Variants in VWA3B observed in about 807,000 individuals in gnomAD.
VWA3B encodes the protein von Willebrand factor A domain containing 3B.
Under a neutral mutation model 158.3 loss-of-function variants are expected in VWA3B, and 138 were observed. That is an observed-to-expected ratio of 0.87 (90% confidence interval 0.76 to 1.00). The LOEUF is 1.00. Ranked by LOEUF, VWA3B falls within the 50% of genes least tolerant of loss-of-function variation. The pLI is 0.00. For synonymous variants in VWA3B, 596 were observed against 587.3 expected, an observed-to-expected ratio of 1.01 and a Z score of -0.21; for missense variants, 1,555 against 1,565.1, an observed-to-expected ratio of 0.99 and a Z score of 0.11.
At chr2:98,278,586 C>G (rs1233279811) in intron 22 of VWA3B, among the ~76,000 whole-genome samples, 1 of 151,128 alleles carries the variant, frequency 6.6e-6, no homozygotes, top group African/African-American at 2.5e-5. Flanking sequence ...GTGGTCTTCC[C>G]CTGGGGTTCA....
At chr2:98,292,031 G>A (rs1326531614) in intron 23 of VWA3B, 1 of 150,186 alleles carries the variant, frequency 6.7e-6, no homozygotes, top group East Asian at 2.0e-4. Context: ...ATCACTTAAG[G>A]TCAGGAGTTC....
intron 8 of VWA3B, among the ~76,000 whole-genome samples, chr2:98,174,925 T>C (rs1679879991): frequency 6.6e-6 from 1 of 152,228 alleles, no homozygotes; most frequent in Non-Finnish European, 1.5e-5. Context: ...AATTATTAGC[T>C]GACCACTGAG....
At chr2:98,121,539 C>A in intron 5 of VWA3B, 81 bp downstream of exon 5, 1 of 1,533,334 alleles carries the variant, frequency 6.5e-7, no homozygotes, top group Non-Finnish European at 8.9e-7. Context: ...CTTTACACGG[C>A]CCTTCAACTG....
At chr2:98,210,297 C>G (rs1325026445) in intron 12 of VWA3B, among the ~76,000 whole-genome samples, 1 of 152,110 alleles carries the variant, frequency 6.6e-6, no homozygotes, top group Non-Finnish European at 1.5e-5. Flanking sequence ...GCTGTCTCCC[C>G]TAGAAGATGT....
At chr2:98,134,008 G>T in intron 7 of VWA3B, 69 bp downstream of exon 7, 1 of 1,324,262 alleles carries the variant, frequency 7.6e-7, no homozygotes, top group Non-Finnish European at 1.1e-6. Context: ...GGATCATTAG[G>T]AAGTAAAGTA....
intron 23 of VWA3B, among the ~76,000 whole-genome samples, chr2:98,296,099 C>T (rs866056436): frequency 2.0e-5 from 3 of 152,166 alleles, no homozygotes; most frequent in Non-Finnish European, 4.4e-5. Flanking sequence ...TAGGCTTCGT[C>T]GGCTACACAG....
At chr2:98,096,625 G>C (rs1385085269) in intron 2 of VWA3B, among the ~76,000 whole-genome samples, 1 of 152,092 alleles carries the variant, frequency 6.6e-6, no homozygotes, top group Non-Finnish European at 1.5e-5. Context: ...TCAGATTTTA[G>C]ATTTCTTCAT....
At chr2:98,314,209 G>A (rs1691037621), downstream of VWA3B, among the ~76,000 whole-genome samples, 1 of 152,218 alleles carries the variant, frequency 6.6e-6, no homozygotes, top group Non-Finnish European at 1.5e-5. Flanking sequence ...AGGACACCAA[G>A]GTAGCTGGAG....
chr2:98,135,492 C>G (rs6725592), intron 7 of VWA3B, among the ~76,000 whole-genome samples: 2 of 150,096 alleles, frequency 1.3e-5, no homozygotes, highest in Admixed American at 1.3e-4. Context: ...CCCGCCACTA[C>G]GCCCGGCTAA....
downstream of VWA3B, among the ~76,000 whole-genome samples, chr2:98,316,320 A>G (rs1691084671): frequency 6.6e-6 from 1 of 152,196 alleles, no homozygotes; most frequent in African/African-American, 2.4e-5. Context: ...TAGCAGTGAT[A>G]TGGTTTCCAC....
chr2:98,303,916 C>T (rs376300077), intron 26 of VWA3B, 114 bp downstream of exon 26: 20 of 953,204 alleles, frequency 2.1e-5, no homozygotes, highest in Middle Eastern at 2.6e-4. Flanking sequence ...AGTAGAGATG[C>T]AGAATGTCCT....
At chr2:98,302,516 G>A (rs1427895955) in intron 25 of VWA3B, among the ~76,000 whole-genome samples, 2 of 152,210 alleles carry the variant, frequency 1.3e-5, no homozygotes, top group Admixed American at 6.5e-5. Context: ...CTAGATTGGT[G>A]AGCAAAAAGC....
At chr2:98,140,474 A>G (rs1433577244) in intron 7 of VWA3B, among the ~76,000 whole-genome samples, 1 of 152,172 alleles carries the variant, frequency 6.6e-6, no homozygotes, top group African/African-American at 2.4e-5. Flanking sequence ...TCAGCCCAGC[A>G]TTGGCTGGAT....
chr2:98,126,145 A>G (rs1675333976), intron 5 of VWA3B, among the ~76,000 whole-genome samples: 1 of 152,226 alleles, frequency 6.6e-6, no homozygotes, highest in Non-Finnish European at 1.5e-5. Context: ...AACTTAATGA[A>G]TAGTGAATAA....
At chr2:98,267,922 A>T (rs1314673888) in intron 21 of VWA3B, among the ~76,000 whole-genome samples, 1 of 152,150 alleles carries the variant, frequency 6.6e-6, no homozygotes, top group Non-Finnish European at 1.5e-5. Flanking sequence ...CTCTACGCAA[A>T]TAAACTAGAA....
At chr2:98,147,170 A>C (rs1191614315) in intron 7 of VWA3B, among the ~76,000 whole-genome samples, 3 of 152,228 alleles carry the variant, frequency 2.0e-5, no homozygotes, top group Admixed American at 2.0e-4. Context: ...TTACTACTAC[A>C]TCAGATATCT....
intron 2 of VWA3B, among the ~76,000 whole-genome samples, chr2:98,108,541 A>C (rs1460895978): frequency 6.6e-6 from 1 of 152,198 alleles, no homozygotes; most frequent in Non-Finnish European, 1.5e-5. Flanking sequence ...TGGGTGATAC[A>C]TACACATTTA....
chr2:98,280,421 T>C (rs1304984606), intron 22 of VWA3B, among the ~76,000 whole-genome samples: 1 of 152,248 alleles, frequency 6.6e-6, no homozygotes, highest in Non-Finnish European at 1.5e-5. Flanking sequence ...TGTTAATGTT[T>C]GACTGGAGGT....
At chr2:98,161,568 A>C (rs7568714) in intron 7 of VWA3B, among the ~76,000 whole-genome samples, 38,339 of 152,182 alleles carry the variant, frequency 0.25, 6,203 homozygotes, top group African/African-American at 0.46. Context: ...AAGAGTGTGG[A>C]TCTGTTTTCA....
Sources: gnomAD v4.1 joint callset for allele counts (sites outside exome capture counted in the v4.1 genomes callset) on GRCh38, gnomAD v4.1.1 for gene constraint, MANE v1.5 for transcripts, NCBI Gene and HGNC (gene_info 2026-07-23, HGNC 2026-07-21) for gene names.